The following OCA2 variants were observed in gnomAD, a reference collection of about 807,000 sequenced individuals.
OCA2 encodes OCA2 melanosomal transmembrane protein.
A neutral mutation model predicts 100.2 loss-of-function variants in OCA2; 77 were observed. The observed-to-expected ratio is 0.77, with a 90% CI of 0.64 to 0.93. The LOEUF (loss-of-function observed/expected upper bound fraction) is 0.93. Ranked by LOEUF, OCA2 falls within the 40% of genes least tolerant of loss-of-function variation. The pLI, the probability that OCA2 is intolerant of heterozygous loss-of-function variation, is 0.00. For synonymous variants in OCA2, 432 were observed against 439.2 expected (o/e 0.98, Z 0.21); for missense variants, 1,062 against 1,089.1 (o/e 0.98, Z 0.35).
rs370650196 is a variant in OCA2, at chr15:27,772,024, C to T, written c.2433-16552G>A. ...TAAGTCTAGACATTATTCCCAAGCA[C>T]AGCGTCAAGGCCTGCCGTGAACTCT... On this transcript the variant is annotated intron_variant, in intron 23 of 23. Transcript: ENST00000354638. Among the ~76,000 whole-genome samples, 488 of 152,308 alleles carry T rather than the reference C, an allele frequency of 3.2e-3. 3 individuals are homozygous for T. The highest frequency in any genetic ancestry group is 0.011 in the African/African-American group (476 of 41,568).
rs528116350 is a variant in OCA2 at position 27,984,894 on chromosome 15, G to A, written c.1364+170C>T. Reference sequence around the variant, plus strand: ...GGCCCCACTGCTTGTAGCATGTACTGCAGTCACACAAAGCAGACACGAGCT... The same window carrying A: ...GGCCCCACTGCTTGTAGCATGTACTACAGTCACACAAAGCAGACACGAGCT... On this transcript the variant is annotated intron_variant, in intron 13 of 23. Transcript: ENST00000354638. 8.5e-5 allele frequency among the ~76,000 whole-genome samples: 13 copies of A among 152,324 alleles called. No individual in the cohort carries two copies. In the South Asian group the frequency reaches 2.7e-3, roughly 32 times the overall value.
intron 2 of OCA2, among the ~76,000 whole-genome samples, chr15:28,072,712 A>G (rs2044304313): frequency 6.6e-6 from 1 of 152,146 alleles, no homozygotes; most frequent in Non-Finnish European, 1.5e-5. Flanking sequence ...CAGCATCACT[A>G]ATCACCAGAG....
chr15:28,011,310 T>A (rs929731217), intron 9 of OCA2, among the ~76,000 whole-genome samples: 4 of 151,772 alleles, frequency 2.6e-5, no homozygotes, highest in Admixed American at 1.3e-4. Flanking sequence ...ACAAAAAAAA[T>A]TTTAAAACTT....
At chr15:27,744,538 T>A in the OCA2 span, among the ~76,000 whole-genome samples, 1 of 152,174 alleles carries the variant, frequency 6.6e-6, no homozygotes, top group African/African-American at 2.4e-5. Flanking sequence ...TCTGTTAAAA[T>A]TCCAGTAAAG....
chr15:27,796,671 A>T (rs2033353717), intron 23 of OCA2, among the ~76,000 whole-genome samples: 2 of 152,220 alleles, frequency 1.3e-5, no homozygotes, highest in Admixed American at 1.3e-4. Context: ...GTCCTGCCAG[A>T]GCATAGCCTA....
intron 19 of OCA2, among the ~76,000 whole-genome samples, chr15:27,887,794 G>A (rs1280374741): frequency 6.6e-6 from 1 of 151,504 alleles, no homozygotes; most frequent in Non-Finnish European, 1.5e-5. Context: ...AGACAGCTAG[G>A]TGGGCTTGTT....
intron 21 of OCA2, among the ~76,000 whole-genome samples, chr15:27,870,189 G>A (rs1228278845): frequency 1.6e-4 from 24 of 152,186 alleles, no homozygotes; most frequent in African/African-American, 4.3e-4. Context: ...TATACAGGGC[G>A]GTGGGATGTC....
rs559392342 is a variant in OCA2, at chr15:27,842,321, G to T, written c.2432+2638C>A. Among the ~76,000 whole-genome samples the T allele has an allele frequency of 2.6e-5, 4 of 152,280 alleles. No homozygotes were observed. In the South Asian group the frequency reaches 6.2e-4, roughly 24 times the overall value. ...AATTACGATCAGTGGCTATTTCTAG[G>T]TAGCAAAATTATAGGTTACTTTTGT... is the stretch of plus-strand genomic sequence containing the variant. On this transcript the variant is annotated intron_variant, in intron 23 of 23. Coordinates refer to ENST00000354638, the MANE Select transcript of OCA2 (RefSeq NM_000275.3).
At chr15:27,727,080 T>C in the OCA2 span, among the ~76,000 whole-genome samples, 6 of 152,230 alleles carry the variant, frequency 3.9e-5, no homozygotes, top group African/African-American at 1.4e-4. Flanking sequence ...CATGAGATGT[T>C]AGAAGGCGCA....
Position 27,851,449 on chromosome 15 carries a change from G to C in OCA2, c.2271C>G (p.His757Gln), listed in dbSNP as rs148894313. 13 of 1,613,660 alleles carry C rather than the reference G, an allele frequency of 8.1e-6. No individual in the cohort carries two copies. The highest frequency in any genetic ancestry group is 1.1e-5 in the Non-Finnish European group (13 of 1,179,944). ...TMIPVLLNLS[H>Q]DPEVGLPAPP... ...GTGCGGGCAGGCCAACCTCAGGGTC[G>C]TGGCTCAGGTTCAGGAGCACGGGAA... The change falls in exon 22 of 24, where the codon CAC becomes CAG. Residue 757 changes from histidine (H) to glutamine (Q), a missense_variant. By Grantham distance (24) the His-to-Gln change is conservative (BLOSUM62 0). Coordinates refer to ENST00000354638, the MANE Select transcript of OCA2 (RefSeq NM_000275.3).
intron 23 of OCA2, among the ~76,000 whole-genome samples, chr15:27,795,006 G>T (rs918051743): frequency 6.6e-6 from 1 of 152,130 alleles, no homozygotes; most frequent in East Asian, 1.9e-4. Context: ...CTATAGCATG[G>T]GAAGCAGGTG....
chr15:27,995,874 A>G (rs4778224), intron 9 of OCA2, among the ~76,000 whole-genome samples: 106,631 of 149,666 alleles, frequency 0.71, 39,858 homozygotes, highest in Middle Eastern at 0.85. Flanking sequence ...GTGCAGTGGT[A>G]CAGTCTTGGC....
chr15:27,882,691 T>G (rs2037068307), intron 19 of OCA2, among the ~76,000 whole-genome samples: 1 of 151,974 alleles, frequency 6.6e-6, no homozygotes, highest in Non-Finnish European at 1.5e-5. Flanking sequence ...TTCTGGAGAT[T>G]ATTATTTTTT....
intron 14 of OCA2, among the ~76,000 whole-genome samples, chr15:27,982,906 A>C (rs2041214701): frequency 6.6e-6 from 1 of 152,236 alleles, no homozygotes; most frequent in South Asian, 2.1e-4. Flanking sequence ...GGGGCTTTCA[A>C]AGAATTTCTA....
At chr15:28,000,721 G>A (rs934266451) in intron 9 of OCA2, among the ~76,000 whole-genome samples, 1 of 151,898 alleles carries the variant, frequency 6.6e-6, no homozygotes, top group Non-Finnish European at 1.5e-5. Context: ...ACCTAATAAG[G>A]GGTTAATATT....
intron 19 of OCA2, among the ~76,000 whole-genome samples, chr15:27,875,640 G>T (rs1483084490): frequency 1.3e-5 from 2 of 151,884 alleles, no homozygotes; most frequent in African/African-American, 4.8e-5. Flanking sequence ...CTTATCTATG[G>T]ACAGACTATA....
At chr15:27,944,256 C>G (rs2039755585) in intron 18 of OCA2, among the ~76,000 whole-genome samples, 2 of 152,200 alleles carry the variant, frequency 1.3e-5, no homozygotes, top group South Asian at 4.1e-4. Context: ...GAGATCTGAT[C>G]TATCCAATCC....
intron 21 of OCA2, 80 bp from the exon 22 acceptor site, chr15:27,851,555 C>A: frequency 9.0e-7 from 1 of 1,107,120 alleles, no homozygotes. Flanking sequence ...TTAGAAAATC[C>A]AAATGCTTTC....
intron 23 of OCA2, among the ~76,000 whole-genome samples, chr15:27,842,154 T>C (rs1256823458): frequency 6.6e-6 from 1 of 152,234 alleles, no homozygotes; most frequent in Admixed American, 6.5e-5. Flanking sequence ...ATAGCTATTC[T>C]ATTTTGGAAG....
Sources: gnomAD v4.1 joint callset for allele counts (sites outside exome capture counted in the v4.1 genomes callset) on GRCh38, gnomAD v4.1.1 for gene constraint, MANE v1.5 for transcripts, NCBI Gene and HGNC (gene_info 2026-07-23, HGNC 2026-07-21) for gene names.